Variants in SLC44A3 observed in about 807,000 individuals in gnomAD.
SLC44A3 encodes solute carrier family 44 member 3.
A neutral mutation model predicts 75.4 loss-of-function variants in SLC44A3; 74 were observed. That is an observed-to-expected ratio of 0.98 (90% confidence interval 0.81 to 1.19). The LOEUF (loss-of-function observed/expected upper bound fraction) is 1.19, where lower values mean the gene tolerates loss of function less well. Ranked by LOEUF, SLC44A3 falls within the 50% of genes most tolerant of loss-of-function variation. The pLI is 0.00. For synonymous variants in SLC44A3, 310 were observed against 296.9 expected, an observed-to-expected ratio of 1.04 and a Z score of -0.45; for missense variants, 700 against 778.6, an observed-to-expected ratio of 0.90 and a Z score of 1.20.
chr1:94,847,737 C>T (rs1167342721), intron 9 of SLC44A3, among the ~76,000 whole-genome samples: 1 of 152,194 alleles, frequency 6.6e-6, no homozygotes, highest in Non-Finnish European at 1.5e-5. Flanking sequence ...CCAGGCATCA[C>T]AGTCCCCGTG....
chr1:94,878,783 C>T (rs1474121022), intron 12 of SLC44A3, among the ~76,000 whole-genome samples: 1 of 152,192 alleles, frequency 6.6e-6, no homozygotes, highest in Non-Finnish European at 1.5e-5. Context: ...TAATGCCTTG[C>T]ATATGTGGCC....
At chr1:94,892,591 G>GA in intron 14 of SLC44A3, 74 bp downstream of exon 14, 1 of 1,407,916 alleles carries the variant, frequency 7.1e-7, no homozygotes, top group Non-Finnish European at 1.0e-6. Flanking sequence ...CTGCACACAC[G>GA]AAAGAGGCTC....
At position 94,848,360 on chromosome 1, in the gene SLC44A3, C is replaced by G. The variant is rs1044829678; in HGVS notation, c.1072+2896C>G. On this transcript the variant is annotated intron_variant, in intron 9 of 14. Transcript: ENST00000271227. ...GCTGGAGGTTGACAGCTAGAGCCAG[C>G]TGGGGATGAGGTGTGATGGAGGTGG... Among the ~76,000 whole-genome samples, 3 of 152,138 alleles carry G rather than the reference C, an allele frequency of 2.0e-5. No homozygotes were observed. In the East Asian group the frequency reaches 5.8e-4, roughly 29 times the overall value.
rs1664264875 is a variant in SLC44A3 at position 94,845,301 on chromosome 1, T to C, written c.909T>C (p.Phe303=). ...AGGCAGTGCTGCTCGTCTTGATTTTTGTTCTCAGAAAGAGAATAAAATTGA... is the reference window on the plus strand; with the variant it reads ...AGGCAGTGCTGCTCGTCTTGATTTTCGTTCTCAGAAAGAGAATAAAATTGA... ...GITAVLLVLI[F]VLRKRIKLTV... The change falls in exon 9 of 15, where the codon TTT becomes TTC. Residue 303 remains phenylalanine, a synonymous_variant. Coordinates refer to ENST00000271227, the MANE Select transcript of SLC44A3 (RefSeq NM_001114106.3). 1.2e-6 allele frequency: 2 copies of C among 1,611,754 alleles called. No individual in the cohort carries two copies. The highest frequency in any genetic ancestry group is 1.7e-6 in the Non-Finnish European group (2 of 1,179,144).
In SLC44A3 at chr1:94,892,292, GTGTTTCAC is replaced by G. The variant is rs1670303814; in HGVS notation, c.1638_1645del (p.Thr547TrpfsTer7). 6.2e-7 allele frequency: 1 copy of G among 1,613,812 alleles called. No homozygotes were observed. The highest frequency in any genetic ancestry group is 1.3e-5 in the African/African-American group (1 of 74,894). The stretch of plus-strand genomic sequence containing the variant: ...CTTCTTTTGCACAGGTGTTAGTGGT[GTGTTTCAC>G]TGTTTTTGGAGGACTCATGGCTTTT... On this transcript the variant is annotated frameshift_variant, in exon 14 of 15. Coordinates refer to ENST00000271227, the MANE Select transcript of SLC44A3 (RefSeq NM_001114106.3). LOFTEE classifies it high-confidence loss of function.
intron 12 of SLC44A3, among the ~76,000 whole-genome samples, chr1:94,867,783 T>G (rs1170156890): frequency 6.6e-6 from 1 of 152,200 alleles, no homozygotes; most frequent in Non-Finnish European, 1.5e-5. Flanking sequence ...AAGTGGGCGG[T>G]GTGATGGAGC....
At chr1:94,848,326 G>A (rs1439388700) in intron 9 of SLC44A3, among the ~76,000 whole-genome samples, 1 of 152,188 alleles carries the variant, frequency 6.6e-6, no homozygotes, top group Non-Finnish European at 1.5e-5. Context: ...TGCCCATAAT[G>A]TGTCTGGGGC....
intron 12 of SLC44A3, chr1:94,888,766 G>C: frequency 1.1e-6 from 1 of 937,204 alleles, no homozygotes; most frequent in Non-Finnish European, 1.3e-6. Flanking sequence ...GTCTCGCTCT[G>C]TCACCCAGGT....
chr1:94,894,999 G>C lies in SLC44A3; in HGVS notation c.*77G>C, dbSNP rs1263942616. On this transcript the variant is annotated 3_prime_UTR_variant, in exon 15 of 15. Transcript: ENST00000271227. ...TACAGAATAGAAGATGAGACCACTA[G>C]AGAAAAGTTAGTGAATTTTTTTTTA... 7.0e-6 allele frequency: 8 copies of C among 1,149,934 alleles called. No homozygotes were observed. The highest frequency in any genetic ancestry group is 9.9e-6 in the Non-Finnish European group (8 of 811,996). 71.2% of individuals were successfully genotyped at this position (1,149,934 alleles called of 1,614,324 possible).
intron 10 of SLC44A3, among the ~76,000 whole-genome samples, chr1:94,862,810 T>C (rs1190204674): frequency 6.6e-6 from 1 of 152,202 alleles, no homozygotes; most frequent in Non-Finnish European, 1.5e-5. Context: ...GGTTGCCCCA[T>C]ATGCTCAACA....
At chr1:94,841,722 C>A (rs1366773052) in intron 7 of SLC44A3, among the ~76,000 whole-genome samples, 1 of 152,188 alleles carries the variant, frequency 6.6e-6, no homozygotes, top group Admixed American at 6.5e-5. Context: ...CCAGACCCAA[C>A]CTGTGGGTTA....
chr1:94,885,454 A>G (rs1472372793), intron 12 of SLC44A3, among the ~76,000 whole-genome samples: 1 of 152,114 alleles, frequency 6.6e-6, no homozygotes, highest in African/African-American at 2.4e-5. Flanking sequence ...GCCGTTCCGC[A>G]AGTCTTTGGA....
In SLC44A3 at chr1:94,882,259, G is replaced by C. The variant is rs1016160372; in HGVS notation, c.1483-8871G>C. On this transcript the variant is annotated intron_variant, in intron 12 of 14. Coordinates refer to ENST00000271227, the MANE Select transcript of SLC44A3 (RefSeq NM_001114106.3). Reference sequence around the variant, plus strand: ...ACAGCACTACTATGTGGTCATCCTCGTGGCTCCAAAAGCTGTGGCCCACTG... The same window carrying C: ...ACAGCACTACTATGTGGTCATCCTCCTGGCTCCAAAAGCTGTGGCCCACTG... Among the ~76,000 whole-genome samples, 4 of 152,194 alleles carry C rather than the reference G, an allele frequency of 2.6e-5. No individual in the cohort carries two copies. In the South Asian group the frequency reaches 6.2e-4, roughly 24 times the overall value.
chr1:94,871,754 C>CAAATATTCCAAA (rs1667784734), intron 12 of SLC44A3, among the ~76,000 whole-genome samples: 1 of 152,156 alleles, frequency 6.6e-6, no homozygotes, highest in Non-Finnish European at 1.5e-5. Flanking sequence ...AGCAGGATTC[C>CAAATATTCCAAA]ATAGGTTTTT....
At chr1:94,864,302 C>T (rs1188453862) in intron 10 of SLC44A3, among the ~76,000 whole-genome samples, 1 of 152,176 alleles carries the variant, frequency 6.6e-6, no homozygotes, top group Non-Finnish European at 1.5e-5. Flanking sequence ...ACTATTACCT[C>T]TCTGGCCACT....
rs759606562 is a variant in SLC44A3, at chr1:94,837,691, CT to C, written c.510-13del. 91 of 1,535,418 alleles carry C rather than the reference CT, an allele frequency of 5.9e-5. 1 individual carries two copies. The highest frequency in any genetic ancestry group is 8.8e-5 in the South Asian group (7 of 79,658). Reference sequence around the variant, plus strand: ...AATGTTAAATAAACATTTTTGCCATCTTTTTTTCTCTATTTTTAGCAAGTCA... The same window carrying C: ...AATGTTAAATAAACATTTTTGCCATCTTTTTTCTCTATTTTTAGCAAGTCA... On this transcript the variant is annotated intron_variant, in intron 5 of 14. Transcript: ENST00000271227.
intron 2 of SLC44A3, among the ~76,000 whole-genome samples, chr1:94,822,378 A>G (rs1450894238): frequency 6.6e-6 from 1 of 152,244 alleles, no homozygotes; most frequent in African/African-American, 2.4e-5. Flanking sequence ...AGTTCTCACT[A>G]TGGCATTCTG....
intron 14 of SLC44A3, 119 bp downstream of exon 14, chr1:94,892,636 C>T (rs1397402656): frequency 1.0e-6 from 1 of 961,050 alleles, no homozygotes; most frequent in Non-Finnish European, 1.6e-6. Context: ...GGCTCTGAGG[C>T]TTCTACTACC....
At chr1:94,857,198 A>C (rs964651500) in intron 9 of SLC44A3, 137 bp from the exon 10 acceptor site, 44 of 793,050 alleles carry the variant, frequency 5.5e-5, no homozygotes, top group Non-Finnish European at 8.4e-5. Flanking sequence ...GTATATTTTA[A>C]ATTATGGTGG....
Sources: allele counts gnomAD v4.1 joint callset (sites outside exome capture counted in the v4.1 genomes callset), GRCh38; gene constraint gnomAD v4.1.1; transcripts MANE v1.5; gene names NCBI Gene and HGNC (gene_info 2026-07-23, HGNC 2026-07-21).